Variants in NBPF3 observed in about 807,000 individuals in gnomAD.
NBPF3 encodes the protein NBPF family member NBPF3.
In NBPF3, 57 loss-of-function variants were observed where a neutral mutation model predicts 78.1. The ratio of observed to expected loss-of-function variants is 0.73; its 90% CI spans 0.59 to 0.91. The LOEUF is 0.91. NBPF3 is among the 40% of genes least tolerant of loss of function. NBPF3 has a pLI of 0.00. For missense variants in NBPF3, 510 were observed against 715.3 expected (o/e 0.71, Z 3.27); for synonymous variants, 182 against 271.7 (o/e 0.67, Z 3.25).
intron 2 of NBPF3, among the ~76,000 whole-genome samples, chr1:21,457,252 T>C (rs1461680085): frequency 6.6e-6 from 1 of 151,400 alleles, no homozygotes; most frequent in East Asian, 1.9e-4. Flanking sequence ...TCTATCGTTA[T>C]CTCCAAACAG....
rs1228073486 is a variant in NBPF3 at position 21,476,316 on chromosome 1, T to A, written c.992+1365T>A. ...ATGTGTGAATTTGATCCTGTCATGA[T>A]GATGTGAGCTGGTTATTTTGCCTGT... On this transcript the variant is annotated intron_variant, in intron 8 of 14. Coordinates refer to ENST00000318249, the MANE Select transcript of NBPF3 (RefSeq NM_032264.6). The surrounding 1 kb of genome is among the most constrained non-coding windows in gnomAD (Gnocchi z 4.1). 6.6e-6 allele frequency among the ~76,000 whole-genome samples: 1 copy of A among 152,224 alleles called. No individual in the cohort carries two copies. Among genetic ancestry groups the A allele is most frequent in the Admixed American group, 6.5e-5 (1 of 15,282 alleles).
In NBPF3 at chr1:21,468,749, C is replaced by G. The variant is rs202194733; in HGVS notation, c.195C>G (p.Ser65=). The part of the protein sequence containing the change: ...VSMVVSAGPW[S]GEKAEMNILE... ...TGGTGGTATCTGCCGGCCCTTGGTC[C>G]GGTGAGAAGGCAGAGATGAACATTC... The change falls in exon 3 of 15, where the codon TCC becomes TCG. Residue 65 remains serine (S), a synonymous_variant. Transcript: ENST00000318249. 6.2e-7 allele frequency: 1 copy of G among 1,613,714 alleles called. No individual in the cohort carries two copies. The highest frequency in any genetic ancestry group is 8.5e-7 in the Non-Finnish European group (1 of 1,179,654).
intron 2 of NBPF3, chr1:21,453,890 C>T (rs1641450726): frequency 6.6e-6 from 1 of 152,166 alleles, no homozygotes. Flanking sequence ...GTAAATCTTC[C>T]TCCAGGCCTT....
Position 21,476,474 on chromosome 1 carries a change from G to T in NBPF3, c.992+1523G>T, listed in dbSNP as rs1558504675. Among the ~76,000 whole-genome samples the T allele has an allele frequency of 6.6e-6, 1 of 152,152 alleles. No individual in the cohort carries two copies. Among genetic ancestry groups the T allele is most frequent in the African/African-American group, 2.4e-5 (1 of 41,426 alleles). On this transcript the variant is annotated intron_variant, in intron 8 of 14. Coordinates refer to ENST00000318249, the MANE Select transcript of NBPF3 (RefSeq NM_032264.6). The surrounding 1 kb of genome is among the most constrained non-coding windows in gnomAD (Gnocchi z 4.1). ...GGAGCTCTTGCAAGGCAGGCCTGGT[G>T]GTGACAAAACCTCTCAGCATTTGCT...
At chr1:21,438,067 G>A (rs936077561), upstream of NBPF3, among the ~76,000 whole-genome samples, 1 of 151,854 alleles carries the variant, frequency 6.6e-6, no homozygotes, top group African/African-American at 2.4e-5. Context: ...TGATCCTCCC[G>A]CCTGGGCCTT....
chr1:21,461,664 T>C (rs1383118860), intron 2 of NBPF3, among the ~76,000 whole-genome samples: 2 of 152,132 alleles, frequency 1.3e-5, no homozygotes, highest in Non-Finnish European at 2.9e-5. Context: ...GGTTTTACCA[T>C]GTTGGCCAGG....
intron 2 of NBPF3, chr1:21,446,465 C>CCTTG (rs1392350988): frequency 1.4e-5 from 2 of 138,836 alleles, no homozygotes; most frequent in African/African-American, 6.1e-5. Context: ...TTCCTTCCTT[C>CCTTG]CTTCCTTCCT....
chr1:21,447,760 CT>C (rs1227792369), intron 2 of NBPF3, among the ~76,000 whole-genome samples: 1 of 152,178 alleles, frequency 6.6e-6, no homozygotes, highest in African/African-American at 2.4e-5. Context: ...TGACAGTACC[CT>C]TTTGATTTCC....
chr1:21,438,733 T>C (rs1640484373), upstream of NBPF3, among the ~76,000 whole-genome samples: 1 of 150,314 alleles, frequency 6.7e-6, no homozygotes, highest in African/African-American at 2.4e-5. Context: ...TTAAATGACC[T>C]GCACAGTCAC....
In NBPF3 at chr1:21,476,118, T is replaced by C. The variant is rs1642876838; in HGVS notation, c.992+1167T>C. On this transcript the variant is annotated intron_variant, in intron 8 of 14. Transcript: ENST00000318249. This position sits in a 1 kb window ranked among gnomAD's most constrained non-coding sequence, Gnocchi z 4.1. ...ACCCCTGCTTTTTTTTGCTCTCCATTTGCTTGGTAGATCTTCCTCCATCCC... is the reference window on the plus strand; with the variant it reads ...ACCCCTGCTTTTTTTTGCTCTCCATCTGCTTGGTAGATCTTCCTCCATCCC... Among the ~76,000 whole-genome samples the C allele has an allele frequency of 6.6e-6, 1 of 152,142 alleles. No individual in the cohort carries two copies. The highest frequency in any genetic ancestry group is 1.5e-5 in the Non-Finnish European group (1 of 68,022).
intron 1 of NBPF3, among the ~76,000 whole-genome samples, 189 bp downstream of exon 1, chr1:21,440,537 C>T (rs1429906314): frequency 1.3e-5 from 2 of 152,176 alleles, no homozygotes; most frequent in African/African-American, 4.8e-5. Flanking sequence ...GCCGCTGCCG[C>T]CCTCAGCCCA....
chr1:21,477,174 C>T (rs7515992), intron 8 of NBPF3, among the ~76,000 whole-genome samples: 8,726 of 152,204 alleles, frequency 0.057, 305 homozygotes, highest in African/African-American at 0.097. Context: ...GTTAGCCATT[C>T]GTCCAATCTT....
chr1:21,441,391 A>G (rs111974282), intron 1 of NBPF3, among the ~76,000 whole-genome samples: 11,695 of 152,256 alleles, frequency 0.077, 593 homozygotes, highest in African/African-American at 0.14. Context: ...ACTGAAGTAT[A>G]CAGAAGAAGT....
rs534302756 is a variant in NBPF3, at chr1:21,469,047, G to A, written c.343+150G>A. On this transcript the variant is annotated intron_variant, in intron 3 of 14. Coordinates refer to ENST00000318249, the MANE Select transcript of NBPF3 (RefSeq NM_032264.6). The stretch of plus-strand genomic sequence containing the variant: ...GGGCATTTTCACATTTTGTTAAATT[G>A]GGAAGTCAGAGGTACCAAAGTATTT... 335 of 723,682 alleles carry A rather than the reference G, an allele frequency of 4.6e-4. 1 individual carries two copies. The East Asian group carries it at 9.1e-3, about 20-fold the overall frequency. 44.8% of individuals were successfully genotyped at this position (723,682 alleles called of 1,614,324 possible). A position where few individuals can be genotyped will look rare whatever the true frequency, so the allele number is the denominator to read the frequency against.
At chr1:21,467,693 T>A (rs930128639) in intron 2 of NBPF3, among the ~76,000 whole-genome samples, 11 of 152,172 alleles carry the variant, frequency 7.2e-5, no homozygotes, top group Non-Finnish European at 1.5e-4. Flanking sequence ...CTTCCCAAGA[T>A]AGATGGTCAC....
At position 21,483,350 on chromosome 1, in the gene NBPF3, C is replaced by A. The variant is rs1263883125; in HGVS notation, c.1866C>A (p.His622Gln). The change falls in exon 15 of 15, where the codon CAC (histidine) becomes CAA (glutamine). Residue 622 changes from histidine to glutamine, a missense_variant. Coordinates refer to ENST00000318249, the MANE Select transcript of NBPF3 (RefSeq NM_032264.6). ...RFFTLTVIRH[H>Q]LAFQMGVIFP... is the part of the protein sequence containing the mutation. ...TTACTTTGACAGTGATAAGGCACCA[C>A]CTGGCCTTCCAGATGGGAGTCATAT... is the stretch of plus-strand genomic sequence containing the variant. 8.7e-6 allele frequency: 9 copies of A among 1,037,872 alleles called. No individual in the cohort carries two copies. The highest frequency in any genetic ancestry group is 8.4e-5 in the South Asian group (5 of 59,630). The allele number at this position is 1,037,872 out of a possible 1,614,324, so 64.3% of individuals were successfully genotyped here.
At chr1:21,457,392 G>GTATGTATATA in intron 2 of NBPF3, among the ~76,000 whole-genome samples, 1 of 149,832 alleles carries the variant, frequency 6.7e-6, no homozygotes, top group Non-Finnish European at 1.5e-5. Context: ...GTATATATAT[G>GTATGTATATA]TATGTATATA....
At chr1:21,478,330 G>A in intron 9 of NBPF3, 23 bp downstream of exon 9, 1 of 1,609,732 alleles carries the variant, frequency 6.2e-7, no homozygotes, top group African/African-American at 1.3e-5. Context: ...TTTTGAAGGT[G>A]ATAAAGCTCC....
rs1190919404 is a variant in NBPF3, at chr1:21,479,786, C to CTA, written c.1209-264_1209-263insAT. On this transcript the variant is annotated intron_variant, in intron 10 of 14. Transcript: ENST00000318249. ...TGTGTCACCTGGCCAATTCACTGAG[C>CTA]TCACTATCTCTCTCTCTCTCTCTCT... Among the ~76,000 whole-genome samples, 23 of 129,238 alleles carry CTA rather than the reference C, an allele frequency of 1.8e-4. 1 individual carries two copies. Among genetic ancestry groups the CTA allele is most frequent in the Admixed American group, 1.7e-4 (2 of 11,900 alleles). The allele number at this position is 129,238 out of a possible 152,430, so 84.8% of individuals were successfully genotyped here. A position where few individuals can be genotyped will look rare whatever the true frequency, so the allele number is the denominator to read the frequency against.
Sources: gnomAD v4.1 joint callset for allele counts (sites outside exome capture counted in the v4.1 genomes callset) on GRCh38, gnomAD v4.1.1 for gene constraint, Gnocchi (gnomAD v3.1) non-coding constraint, MANE v1.5 for transcripts, NCBI Gene and HGNC (gene_info 2026-07-23, HGNC 2026-07-21) for gene names.